SGSM1: variants seen among roughly 807,000 people sequenced by gnomAD.
The protein encoded by SGSM1 is small G protein signaling modulator 1.
SGSM1 carries 73 observed loss-of-function variants against 133.8 expected under a neutral mutation model. That is an observed-to-expected ratio of 0.55 (90% CI 0.45 to 0.66). SGSM1 has a LOEUF of 0.66. Ranked by LOEUF, SGSM1 falls within the 30% of genes least tolerant of loss-of-function variation. The pLI, the probability that SGSM1 is intolerant of heterozygous loss-of-function variation, is 0.00. For synonymous variants in SGSM1, 563 were observed against 573.0 expected, an observed-to-expected ratio of 0.98 and a Z score of 0.25; for missense variants, 1,213 against 1,448.1, an observed-to-expected ratio of 0.84 and a Z score of 2.64.
chr22:24,876,730 A>G lies in SGSM1; in HGVS notation c.1430+15A>G, dbSNP rs1343478006. 8 of 1,613,910 alleles carry G rather than the reference A, an allele frequency of 5.0e-6. No individual in the cohort carries two copies. In the South Asian group the frequency reaches 5.5e-5, roughly 11 times the overall value. ...AACCATGAGAGGTATGAGGGGCTTG[A>G]GCTGCAGATGGAGAGAGCTGAAGGA... On this transcript the variant is annotated intron_variant, in intron 13 of 24. Coordinates refer to ENST00000400358, the MANE Select transcript of SGSM1 (RefSeq NM_001098497.3).
intron 21 of SGSM1, among the ~76,000 whole-genome samples, chr22:24,907,980 AG>A (rs1341849688): frequency 6.6e-6 from 1 of 151,854 alleles, no homozygotes; most frequent in Non-Finnish European, 1.5e-5. Flanking sequence ...CCTACTACAA[AG>A]ATACTTAAAA....
intron 2 of SGSM1, among the ~76,000 whole-genome samples, chr22:24,815,353 G>A (rs369810730): frequency 7.9e-5 from 12 of 152,164 alleles, no homozygotes; most frequent in East Asian, 1.9e-4. Flanking sequence ...TCCCGCAGCC[G>A]AAGAGATGGG....
At chr22:24,840,534 G>A (rs531146620) in intron 2 of SGSM1, among the ~76,000 whole-genome samples, 1 of 151,592 alleles carries the variant, frequency 6.6e-6, no homozygotes, top group African/African-American at 2.4e-5. Context: ...GTAGAGACAG[G>A]GTTTCACCAT....
intron 9 of SGSM1, among the ~76,000 whole-genome samples, chr22:24,863,690 G>T (rs978736611): frequency 6.6e-6 from 1 of 152,046 alleles, no homozygotes; most frequent in Non-Finnish European, 1.5e-5. Context: ...AAGAAGCAAT[G>T]AAATGGGGTG....
intron 9 of SGSM1, among the ~76,000 whole-genome samples, chr22:24,862,928 A>G (rs1931236770): frequency 6.6e-6 from 1 of 152,046 alleles, no homozygotes; most frequent in Admixed American, 6.6e-5. Context: ...CTTCTCAAAC[A>G]CTGAAGCGTC....
chr22:24,831,843 C>G (rs1929136948), intron 2 of SGSM1, among the ~76,000 whole-genome samples: 1 of 152,210 alleles, frequency 6.6e-6, no homozygotes. Context: ...CTAGCGTGCA[C>G]TGAAATGAAG....
At chr22:24,862,040 C>T (rs1040185174) in intron 9 of SGSM1, among the ~76,000 whole-genome samples, 9 of 151,384 alleles carry the variant, frequency 5.9e-5, no homozygotes, top group African/African-American at 1.7e-4. Flanking sequence ...CCACAACCTC[C>T]GCCTCCCAGG....
At chr22:24,808,115 G>GTT (rs532530317) in intron 2 of SGSM1, among the ~76,000 whole-genome samples, 107 of 130,930 alleles carry the variant, frequency 8.2e-4, no homozygotes, top group African/African-American at 2.4e-3. Context: ...TTTTCTTGGT[G>GTT]TTTTTTTTTT....
chr22:24,837,423 A>G (rs1929494827), intron 2 of SGSM1, among the ~76,000 whole-genome samples: 1 of 152,234 alleles, frequency 6.6e-6, no homozygotes, highest in Non-Finnish European at 1.5e-5. Context: ...ACAGGATGAA[A>G]CATGAAGGCA....
At chr22:24,885,677 C>T (rs1932556397) in intron 15 of SGSM1, among the ~76,000 whole-genome samples, 1 of 152,104 alleles carries the variant, frequency 6.6e-6, no homozygotes, top group African/African-American at 2.4e-5. Flanking sequence ...CTGCCTCGGT[C>T]TCCCAAAGTG....
At chr22:24,872,160 T>C (rs977922917) in intron 12 of SGSM1, among the ~76,000 whole-genome samples, 3 of 152,202 alleles carry the variant, frequency 2.0e-5, no homozygotes, top group African/African-American at 7.2e-5. Flanking sequence ...TGCAGATATA[T>C]GCCTTAAATA....
In SGSM1 at chr22:24,874,691, A is replaced by C. The variant is rs1236656685; in HGVS notation, c.1292-1886A>C. 9 of 1,365,004 alleles carry C rather than the reference A, an allele frequency of 6.6e-6. No individual in the cohort carries two copies. In the Middle Eastern group the frequency reaches 8.1e-4, roughly 122 times the overall value. 84.6% of individuals were successfully genotyped at this position (1,365,004 alleles called of 1,614,324 possible). A position where few individuals can be genotyped will look rare whatever the true frequency, so the allele number is the denominator to read the frequency against. Reference sequence around the variant, plus strand: ...TGGAGGCAGGAAGGGAGATGGAGGCAGAGGGATTGATGCCCTCCTGCTGTC... The same window carrying C: ...TGGAGGCAGGAAGGGAGATGGAGGCCGAGGGATTGATGCCCTCCTGCTGTC... On this transcript the variant is annotated intron_variant, in intron 12 of 24. Transcript: ENST00000400358.
chr22:24,850,484 C>A, intron 5 of SGSM1, 52 bp downstream of exon 5: 1 of 1,590,722 alleles, frequency 6.3e-7, no homozygotes, highest in Non-Finnish European at 8.6e-7. Flanking sequence ...ACCTGCCGGC[C>A]GTTGTGGAAA....
intron 14 of SGSM1, 56 bp from the exon 15 acceptor site, chr22:24,883,997 C>T (rs1341261675): frequency 6.7e-7 from 1 of 1,501,420 alleles, no homozygotes; most frequent in Admixed American, 2.3e-5. Context: ...TCCCATGAGA[C>T]AAGGTGAGGG....
rs765353447 is a variant in SGSM1 at position 24,876,529 on chromosome 22, T to G, written c.1292-48T>G. 6 of 1,609,246 alleles carry G rather than the reference T, an allele frequency of 3.7e-6. No homozygotes were observed. In the African/African-American group the frequency reaches 8.0e-5, roughly 21 times the overall value. ...TAGGGTGAGATTTCTGTGACCCACA[T>G]AGGTTTAACCAGGGTGATTCTTCTG... On this transcript the variant is annotated intron_variant, in intron 12 of 24. Coordinates refer to ENST00000400358, the MANE Select transcript of SGSM1 (RefSeq NM_001098497.3).
Position 24,835,340 on chromosome 22 carries a change from A to C in SGSM1, c.64-9557A>C, listed in dbSNP as rs369999264. ...CTCATCTAAACCTCCCCATTCATTC[A>C]ACAGATAGATATTGAGTGCATGCTC... On this transcript the variant is annotated intron_variant, in intron 2 of 24. Transcript: ENST00000400358. Among the ~76,000 whole-genome samples the C allele has an allele frequency of 1.5e-4, 23 of 152,142 alleles. No individual in the cohort carries two copies. The East Asian group carries it at 2.7e-3, about 18-fold the overall frequency.
chr22:24,839,932 C>CTTTTTT (rs758631851), intron 2 of SGSM1, among the ~76,000 whole-genome samples: 9 of 106,480 alleles, frequency 8.5e-5, no homozygotes, highest in Non-Finnish European at 1.1e-4. Context: ...AACCATCTCT[C>CTTTTTT]TTTTTTTTTT....
At chr22:24,883,291 T>A (rs1411242379) in intron 14 of SGSM1, among the ~76,000 whole-genome samples, 1 of 152,160 alleles carries the variant, frequency 6.6e-6, no homozygotes, top group Non-Finnish European at 1.5e-5. Flanking sequence ...GCAGTAAACA[T>A]GGGGGTGCAG....
intron 2 of SGSM1, among the ~76,000 whole-genome samples, chr22:24,829,145 G>A (rs1377547564): frequency 3.3e-5 from 5 of 151,908 alleles, no homozygotes; most frequent in African/African-American, 7.3e-5. Flanking sequence ...GCAGGGAGCC[G>A]AGATCGTGCC....
Sources: gnomAD v4.1 joint callset for allele counts (sites outside exome capture counted in the v4.1 genomes callset) on GRCh38, gnomAD v4.1.1 for gene constraint, MANE v1.5 for transcripts, NCBI Gene and HGNC (gene_info 2026-07-23, HGNC 2026-07-21) for gene names.